Variants in LDLRAP1 observed in about 807,000 individuals in gnomAD.
The protein encoded by LDLRAP1 is low density lipoprotein receptor adaptor protein 1, also known as low density lipoprotein receptor adapter protein 1.
In LDLRAP1, 30 loss-of-function variants were observed where a neutral mutation model predicts 37.8. The ratio of observed to expected loss-of-function variants is 0.79; its 90% CI spans 0.59 to 1.08. LDLRAP1 has a LOEUF of 1.08. Among genes scored for constraint, LDLRAP1 ranks in the 50% least tolerant of loss-of-function variants. LDLRAP1 has a pLI of 0.00. For synonymous variants in LDLRAP1, 156 were observed against 169.8 expected (o/e 0.92, Z 0.63); for missense variants, 375 against 401.6 (o/e 0.93, Z 0.57).
downstream of LDLRAP1, among the ~76,000 whole-genome samples, chr1:25,571,405 T>C (rs1405890031): frequency 3.9e-5 from 6 of 152,206 alleles, no homozygotes; most frequent in Non-Finnish European, 7.4e-5. Context: ...ACAGTGAGCA[T>C]TGGTGCCCCT....
rs2044531827 is a variant in LDLRAP1, at chr1:25,568,061, G to GC, written c.*1070dup. 6.6e-6 allele frequency: 1 copy of GC among 152,596 alleles called. No homozygotes were observed. The highest frequency in any genetic ancestry group is 2.4e-5 in the African/African-American group (1 of 41,414). 9.5% of individuals were successfully genotyped at this position (152,596 alleles called of 1,614,324 possible). A position where few individuals can be genotyped will look rare whatever the true frequency, so the allele number is the denominator to read the frequency against. ...GCTTTCTTCTCTGCCTCCTCCTCAC[G>GC]CAACTCACACCTCCTTTTCTTCTAG... On this transcript the variant is annotated 3_prime_UTR_variant, in exon 9 of 9. Coordinates refer to ENST00000374338, the MANE Select transcript of LDLRAP1 (RefSeq NM_015627.3).
the LDLRAP1 span, among the ~76,000 whole-genome samples, chr1:25,575,772 C>T: frequency 2.0e-5 from 3 of 152,124 alleles, no homozygotes; most frequent in Admixed American, 6.6e-5. Flanking sequence ...GAGCTTTACA[C>T]AAACGACCCC....
intron 4 of LDLRAP1, among the ~76,000 whole-genome samples, chr1:25,561,831 T>A (rs2044348113): frequency 6.6e-6 from 1 of 152,096 alleles, no homozygotes; most frequent in Non-Finnish European, 1.5e-5. Flanking sequence ...TGATTCTTGC[T>A]TTTAGGGTGC....
downstream of LDLRAP1, among the ~76,000 whole-genome samples, chr1:25,569,892 T>C (rs2044580131): frequency 6.6e-6 from 1 of 152,294 alleles, no homozygotes. Flanking sequence ...TACCCCGCCA[T>C]GTCCTGGCTT....
Position 25,563,131 on chromosome 1 carries a change from C to T in LDLRAP1, c.594C>T (p.Asp198=). 2 of 1,614,082 alleles carry T rather than the reference C, an allele frequency of 1.2e-6. No individual in the cohort carries two copies. The highest frequency in any genetic ancestry group is 2.2e-5 in the East Asian group (1 of 44,858). ...EGGDVLGARQ[D]CTPSLKSLVA... ...GGGACGTCCTGGGGGCCCGCCAAGA[C>T]TGCACCCCCTCCTTGAAGAGCTGTG... is the stretch of plus-strand genomic sequence containing the variant. The change falls in exon 6 of 9, where the codon GAC becomes GAT. Residue 198 remains aspartate (D), a synonymous_variant. Transcript: ENST00000374338.
chr1:25,564,554 T>A (rs1424177751), intron 7 of LDLRAP1: 1 of 154,726 alleles, frequency 6.5e-6, no homozygotes, highest in Non-Finnish European at 1.4e-5. Context: ...CTCTTTAATT[T>A]TTAAAAATCT....
chr1:25,572,925 A>G (rs1172565453), downstream of LDLRAP1, among the ~76,000 whole-genome samples: 1 of 152,186 alleles, frequency 6.6e-6, no homozygotes, highest in Admixed American at 6.5e-5. Context: ...AAGAGGGGGC[A>G]TGGAGCTGCA....
At chr1:25,562,755 T>C (rs750555776) in intron 5 of LDLRAP1, 39 bp downstream of exon 5, 1 of 1,578,656 alleles carries the variant, frequency 6.3e-7, no homozygotes, top group Non-Finnish European at 8.7e-7. Flanking sequence ...TGGTGGGAGG[T>C]GGGGAGACAC....
At chr1:25,571,899 T>C (rs772770542), downstream of LDLRAP1, among the ~76,000 whole-genome samples, 7 of 152,180 alleles carry the variant, frequency 4.6e-5, no homozygotes, top group Non-Finnish European at 7.4e-5. Context: ...GCACGGCCTG[T>C]CTCAGGGTGA....
chr1:25,559,606 A>G (rs557585846), intron 4 of LDLRAP1, among the ~76,000 whole-genome samples: 1 of 152,276 alleles, frequency 6.6e-6, no homozygotes, highest in African/African-American at 2.4e-5. Context: ...ACCCTTTGCT[A>G]CCTGGCCTCC....
At chr1:25,543,922 C>T (rs1438716027) in intron 1 of LDLRAP1, 136 bp downstream of exon 1, 1 of 467,726 alleles carries the variant, frequency 2.1e-6, no homozygotes, top group Non-Finnish European at 3.3e-6. Context: ...TGGCCCTTTC[C>T]CGGCCCTGCG....
chr1:25,569,337 G>A (rs1463282733), downstream of LDLRAP1, among the ~76,000 whole-genome samples: 3 of 152,204 alleles, frequency 2.0e-5, no homozygotes, highest in African/African-American at 4.8e-5. Context: ...CTGGGTCTCA[G>A]TACTGGGGAC....
rs1367766365 is a variant in LDLRAP1 at position 25,544,214 on chromosome 1, G to T, written c.88+428G>T. ...AGACGCCCCCGTCCCGCACCCCTGCGCCCCAGCCAGCAGCTGCGGCGGTCA... is the reference window on the plus strand; with the variant it reads ...AGACGCCCCCGTCCCGCACCCCTGCTCCCCAGCCAGCAGCTGCGGCGGTCA... On this transcript the variant is annotated intron_variant, in intron 1 of 8. Coordinates refer to ENST00000374338, the MANE Select transcript of LDLRAP1 (RefSeq NM_015627.3). The surrounding 1 kb of genome is among the most constrained non-coding windows in gnomAD (Gnocchi z 4.8). Among the ~76,000 whole-genome samples the T allele has an allele frequency of 2.0e-5, 3 of 151,514 alleles. No individual in the cohort carries two copies. The highest frequency in any genetic ancestry group is 4.4e-5 in the Non-Finnish European group (3 of 67,552).
chr1:25,564,125 C>G (rs1314397490), intron 7 of LDLRAP1: 2 of 373,608 alleles, frequency 5.4e-6, no homozygotes, highest in East Asian at 6.5e-5. Context: ...ACCCCTCCCC[C>G]TCAGCCGCCT....
the LDLRAP1 span, among the ~76,000 whole-genome samples, chr1:25,584,351 GT>G: frequency 1.3e-3 from 197 of 149,706 alleles, no homozygotes; most frequent in African/African-American, 4.5e-3. Flanking sequence ...TACAAGTTCA[GT>G]TTTTTTTTTC....
the LDLRAP1 span, among the ~76,000 whole-genome samples, chr1:25,574,791 C>CT: frequency 6.6e-6 from 1 of 152,064 alleles, no homozygotes; most frequent in Non-Finnish European, 1.5e-5. Flanking sequence ...ACCTGAAGGT[C>CT]TGTACATGAG....
At chr1:25,586,510 ATGTG>A in the LDLRAP1 span, among the ~76,000 whole-genome samples, 11 of 151,408 alleles carry the variant, frequency 7.3e-5, 1 homozygote, top group African/African-American at 2.7e-4. The surrounding 1 kb of genome is among the most constrained non-coding windows in gnomAD (Gnocchi z 4.3). Context: ...GTGCATGCAC[ATGTG>A]TGTGTGCCTA....
intron 3 of LDLRAP1, among the ~76,000 whole-genome samples, chr1:25,556,632 C>T (rs2044206986): frequency 6.6e-6 from 1 of 152,198 alleles, no homozygotes; most frequent in Non-Finnish European, 1.5e-5. Context: ...GAGTGTCCTG[C>T]TTTCTGCTTC....
At chr1:25,545,271 G>A (rs760810640) in intron 1 of LDLRAP1, among the ~76,000 whole-genome samples, 1 of 152,184 alleles carries the variant, frequency 6.6e-6, no homozygotes, top group Non-Finnish European at 1.5e-5. Context: ...TTGAAGGAAG[G>A]GGGGCTGGCA....
Sources: allele counts gnomAD v4.1 joint callset (sites outside exome capture counted in the v4.1 genomes callset), GRCh38; gene constraint gnomAD v4.1.1; non-coding constraint Gnocchi (gnomAD v3.1); transcripts MANE v1.5; gene names NCBI Gene and HGNC (gene_info 2026-07-23, HGNC 2026-07-21).